AGBL4: variants seen among roughly 807,000 people sequenced by gnomAD.
AGBL4 encodes AGBL carboxypeptidase 4.
Under a neutral mutation model 66.4 loss-of-function variants are expected in AGBL4, and 58 were observed. The observed-to-expected ratio is 0.87, with a 90% CI of 0.71 to 1.09. The LOEUF (loss-of-function observed/expected upper bound fraction) is 1.09. AGBL4 is among the 50% of genes least tolerant of loss of function. AGBL4 has a pLI of 0.00. For missense variants in AGBL4, 579 were observed against 631.0 expected, an observed-to-expected ratio of 0.92 and a Z score of 0.88; for synonymous variants, 234 against 222.9, an observed-to-expected ratio of 1.05 and a Z score of -0.44.
intron 4 of AGBL4, among the ~76,000 whole-genome samples, chr1:49,112,419 T>C (rs1645430412): frequency 1.3e-5 from 2 of 152,226 alleles, no homozygotes; most frequent in Admixed American, 6.5e-5. Flanking sequence ...GGTGCTATTG[T>C]TGAAGGTTGG....
chr1:49,563,790 C>T (rs1365277609), intron 3 of AGBL4, among the ~76,000 whole-genome samples: 2 of 152,008 alleles, frequency 1.3e-5, no homozygotes, highest in Admixed American at 1.3e-4. Context: ...TGTGTCTTTG[C>T]CCGGCTTTGG....
intron 3 of AGBL4, among the ~76,000 whole-genome samples, chr1:49,477,536 G>T (rs1422997755): frequency 6.6e-6 from 1 of 152,114 alleles, no homozygotes; most frequent in East Asian, 1.9e-4. Flanking sequence ...CCCTAATGTG[G>T]ATACAACTTA....
chr1:49,055,528 TATTC>T (rs1299826156), intron 4 of AGBL4, among the ~76,000 whole-genome samples: 2 of 151,986 alleles, frequency 1.3e-5, no homozygotes, highest in African/African-American at 4.8e-5. Context: ...GTTTCAAACT[TATTC>T]ATCATAATAT....
At position 48,884,286 on chromosome 1, in the gene AGBL4, TTTTG is replaced by T. The variant is rs1377335949; in HGVS notation, c.595-17060_595-17057del. On this transcript the variant is annotated intron_variant, in intron 5 of 13. Transcript: ENST00000371839. ...TGAAGCTCTAAGAGTTACAATTTGTTTTTGTTTGTTTGTTTTTTTGTTTTGTTTT... is the reference window on the plus strand; with the variant it reads ...TGAAGCTCTAAGAGTTACAATTTGTTTTTGTTTGTTTTTTTGTTTTGTTTT... Among the ~76,000 whole-genome samples the T allele has an allele frequency of 7.2e-5, 10 of 138,744 alleles. No individual in the cohort carries two copies. In the East Asian group the frequency reaches 1.9e-3, roughly 27 times the overall value. The allele number at this position is 138,744 out of a possible 152,430, so 91.0% of individuals were successfully genotyped here.
chr1:48,552,337 C>G (rs1644261705), intron 11 of AGBL4, among the ~76,000 whole-genome samples: 1 of 152,206 alleles, frequency 6.6e-6, no homozygotes, highest in South Asian at 2.1e-4. Flanking sequence ...GCTAGGATTA[C>G]AGGCATGAGC....
At chr1:49,180,130 T>G (rs1438453439) in intron 4 of AGBL4, among the ~76,000 whole-genome samples, 2 of 152,086 alleles carry the variant, frequency 1.3e-5, no homozygotes, top group Non-Finnish European at 2.9e-5. Context: ...ACTCCTGACC[T>G]CAGGTGATCC....
At chr1:49,046,530 C>CA (rs1421054928) in intron 4 of AGBL4, among the ~76,000 whole-genome samples, 2 of 152,110 alleles carry the variant, frequency 1.3e-5, no homozygotes, top group Non-Finnish European at 2.9e-5. Context: ...AAACAGGAAA[C>CA]AAAAATGTTG....
intron 3 of AGBL4, among the ~76,000 whole-genome samples, chr1:49,272,199 C>T (rs1644075539): frequency 6.6e-6 from 1 of 152,094 alleles, no homozygotes; most frequent in Non-Finnish European, 1.5e-5. Context: ...CATGGTGTTT[C>T]CCTCTTTTTG....
At chr1:49,273,934 G>A (rs906784776) in intron 3 of AGBL4, among the ~76,000 whole-genome samples, 9 of 151,872 alleles carry the variant, frequency 5.9e-5, no homozygotes, top group East Asian at 5.8e-4. Flanking sequence ...CGCCTGCCTC[G>A]GCCTCCCAAA....
intron 1 of AGBL4, among the ~76,000 whole-genome samples, chr1:49,978,179 G>A (rs1658736097): frequency 6.6e-6 from 1 of 152,154 alleles, no homozygotes; most frequent in African/African-American, 2.4e-5. Flanking sequence ...GTCAGATGCA[G>A]TGGCTCATAC....
chr1:49,395,800 CATATATATATGT>C (rs1644954184), intron 3 of AGBL4, among the ~76,000 whole-genome samples: 1 of 118,072 alleles, frequency 8.5e-6, no homozygotes, highest in African/African-American at 3.3e-5. Flanking sequence ...TATATATATA[CATATATATATGT>C]ATACATATAT....
intron 6 of AGBL4, among the ~76,000 whole-genome samples, chr1:48,807,938 G>T (rs1645964416): frequency 6.6e-6 from 1 of 152,126 alleles, no homozygotes; most frequent in African/African-American, 2.4e-5. Flanking sequence ...CAGAAAATCA[G>T]TGGGCACATC....
chr1:49,726,612 T>C (rs1005884271), intron 2 of AGBL4, among the ~76,000 whole-genome samples: 1 of 152,104 alleles, frequency 6.6e-6, no homozygotes, highest in African/African-American at 2.4e-5. Flanking sequence ...ACTTTCTGAG[T>C]TGTAAGTGAC....
chr1:49,838,182 T>C (rs1216817803), intron 2 of AGBL4, among the ~76,000 whole-genome samples: 1 of 152,130 alleles, frequency 6.6e-6, no homozygotes, highest in Non-Finnish European at 1.5e-5. Context: ...AGTGTACTCA[T>C]AGACAAAAGG....
At chr1:48,614,163 ATTC>A (rs1487601567) in intron 9 of AGBL4, among the ~76,000 whole-genome samples, 1 of 152,216 alleles carries the variant, frequency 6.6e-6, no homozygotes. Flanking sequence ...TTTATTTCTT[ATTC>A]TTCTGCTGCA....
intron 6 of AGBL4, among the ~76,000 whole-genome samples, chr1:48,703,474 G>A (rs1285021682): frequency 4.6e-5 from 7 of 151,972 alleles, no homozygotes; most frequent in African/African-American, 9.7e-5. Context: ...GTCTAGATTC[G>A]AATTATCAAT....
intron 1 of AGBL4, among the ~76,000 whole-genome samples, chr1:49,903,415 T>C (rs1277881411): frequency 1.3e-5 from 2 of 152,034 alleles, no homozygotes; most frequent in East Asian, 3.9e-4. Flanking sequence ...ATGCTTATTA[T>C]CTAGGTGATG....
intron 3 of AGBL4, among the ~76,000 whole-genome samples, chr1:49,558,583 C>A (rs1643958364): frequency 2.6e-5 from 4 of 152,106 alleles, no homozygotes; most frequent in Admixed American, 2.6e-4. Context: ...TCAGGATCTG[C>A]CTGCTTTGGC....
At chr1:49,725,460 G>A (rs1021582559) in intron 2 of AGBL4, among the ~76,000 whole-genome samples, 1 of 152,144 alleles carries the variant, frequency 6.6e-6, no homozygotes, top group South Asian at 2.1e-4. Flanking sequence ...TAGGTTTGCA[G>A]GTTGTGGTTT....
Sources: allele counts gnomAD v4.1 joint callset (sites outside exome capture counted in the v4.1 genomes callset), GRCh38; gene constraint gnomAD v4.1.1; transcripts MANE v1.5; gene names NCBI Gene and HGNC (gene_info 2026-07-23, HGNC 2026-07-21).